The following FGGY variants were observed in gnomAD, a reference collection of about 807,000 sequenced individuals.
FGGY encodes FGGY carbohydrate kinase domain-containing protein.
FGGY carries 72 observed loss-of-function variants against 71.3 expected under a neutral mutation model. The observed-to-expected ratio is 1.01, with a 90% confidence interval of 0.84 to 1.23. The LOEUF is 1.23. FGGY is among the 50% of genes most tolerant of loss of function. The probability of loss-of-function intolerance (pLI) is 0.00; values close to 1 mark genes in which losing one functional copy is unlikely to be tolerated. For missense variants in FGGY, 668 were observed against 682.3 expected, an observed-to-expected ratio of 0.98 and a Z score of 0.23; for synonymous variants, 251 against 250.3, an observed-to-expected ratio of 1.00 and a Z score of -0.02.
chr1:59,657,658 G>C (rs1426635581), intron 11 of FGGY, among the ~76,000 whole-genome samples: 1 of 152,196 alleles, frequency 6.6e-6, no homozygotes, highest in Non-Finnish European at 1.5e-5. Context: ...GTTCCACTCA[G>C]GGGGCTATGA....
At chr1:59,360,310 TG>T (rs1399932304) in intron 4 of FGGY, among the ~76,000 whole-genome samples, 1 of 151,988 alleles carries the variant, frequency 6.6e-6, no homozygotes, top group Non-Finnish European at 1.5e-5. Flanking sequence ...GGGACTAGAG[TG>T]AAGCCTACTG....
intron 6 of FGGY, among the ~76,000 whole-genome samples, chr1:59,502,010 T>C (rs1265143592): frequency 2.0e-5 from 3 of 152,234 alleles, no homozygotes; most frequent in Non-Finnish European, 4.4e-5. Flanking sequence ...GACAACATGC[T>C]AAAACACTTA....
chr1:59,680,558 A>G (rs1247786974), intron 14 of FGGY: 1 of 151,882 alleles, frequency 6.6e-6, no homozygotes, highest in African/African-American at 2.4e-5. Context: ...TCTGGTTTCA[A>G]TCCAGTTTGC....
chr1:59,588,905 C>G (rs942262057), intron 8 of FGGY, among the ~76,000 whole-genome samples: 2 of 152,198 alleles, frequency 1.3e-5, no homozygotes, highest in African/African-American at 4.8e-5. Flanking sequence ...AACCAGCTAA[C>G]ATCAAAATGA....
chr1:59,457,322 G>A (rs913123024), intron 6 of FGGY, among the ~76,000 whole-genome samples: 2 of 152,058 alleles, frequency 1.3e-5, no homozygotes, highest in Non-Finnish European at 2.9e-5. Context: ...TATAGAATCA[G>A]AAATTGCGCT....
intron 14 of FGGY, among the ~76,000 whole-genome samples, chr1:59,702,911 T>G (rs2097721537): frequency 6.6e-6 from 1 of 152,194 alleles, no homozygotes; most frequent in Non-Finnish European, 1.5e-5. Context: ...GAAGCTGTCC[T>G]AATCTGCCAT....
rs902999563 is a variant in FGGY at position 59,503,011 on chromosome 1, A to G, written c.671-9300A>G. On this transcript the variant is annotated intron_variant, in intron 6 of 15. Transcript: ENST00000303721. ...CTTCCTTTTCTACTCATCACATTCT[A>G]TGCCTGCCCTCTCTAACCTACATGG... Among the ~76,000 whole-genome samples, 4 of 152,136 alleles carry G rather than the reference A, an allele frequency of 2.6e-5. No individual in the cohort carries two copies. The East Asian group carries it at 5.8e-4, about 22-fold the overall frequency.
At chr1:59,511,146 G>A (rs1440118770) in intron 6 of FGGY, among the ~76,000 whole-genome samples, 4 of 152,072 alleles carry the variant, frequency 2.6e-5, no homozygotes, top group African/African-American at 4.8e-5. Context: ...GTAGATAGAA[G>A]CTCTTAAAAT....
intron 8 of FGGY, among the ~76,000 whole-genome samples, chr1:59,580,334 G>A (rs897147758): frequency 1.3e-5 from 2 of 152,022 alleles, no homozygotes; most frequent in African/African-American, 4.8e-5. Context: ...TTCCTAACTT[G>A]CTTTAGCCTT....
intron 12 of FGGY, 83 bp downstream of exon 12, chr1:59,660,376 T>C: frequency 1.0e-6 from 1 of 972,410 alleles, no homozygotes; most frequent in Non-Finnish European, 1.5e-6. Context: ...ATACAGCACA[T>C]GCTTTTGTGA....
intron 6 of FGGY, among the ~76,000 whole-genome samples, chr1:59,476,625 C>A (rs2093278282): frequency 6.6e-6 from 1 of 152,226 alleles, no homozygotes; most frequent in Non-Finnish European, 1.5e-5. Flanking sequence ...GGCCCCAGGG[C>A]CCCAGATGAA....
At chr1:59,381,258 T>C (rs2059398573) in intron 5 of FGGY, among the ~76,000 whole-genome samples, 1 of 152,222 alleles carries the variant, frequency 6.6e-6, no homozygotes, top group African/African-American at 2.4e-5. Context: ...TGGCTTAGGA[T>C]TGTCTTGGCA....
At chr1:59,445,768 C>T (rs569799907) in intron 5 of FGGY, among the ~76,000 whole-genome samples, 4 of 152,258 alleles carry the variant, frequency 2.6e-5, no homozygotes, top group Admixed American at 1.3e-4. Context: ...AAGAAAAACA[C>T]GAGAAATTAA....
chr1:59,359,585 C>T (rs766928876), intron 4 of FGGY, among the ~76,000 whole-genome samples: 5 of 152,168 alleles, frequency 3.3e-5, no homozygotes, highest in Non-Finnish European at 7.3e-5. Flanking sequence ...ACCCAGGGGT[C>T]TTGGAAGTGC....
chr1:59,690,197 G>A (rs533247277), intron 14 of FGGY, among the ~76,000 whole-genome samples: 2 of 152,250 alleles, frequency 1.3e-5, no homozygotes, highest in South Asian at 4.1e-4. Flanking sequence ...AGTATGGTGG[G>A]GTGCTGGGAC....
chr1:59,704,609 A>G (rs1046863419), intron 14 of FGGY, among the ~76,000 whole-genome samples: 22 of 152,194 alleles, frequency 1.4e-4, no homozygotes, highest in African/African-American at 5.3e-4. Flanking sequence ...ATTAATACAT[A>G]TAAAGCTGCC....
chr1:59,339,456 T>C (rs1465881685), intron 2 of FGGY, among the ~76,000 whole-genome samples: 1 of 151,988 alleles, frequency 6.6e-6, no homozygotes, highest in Non-Finnish European at 1.5e-5. Context: ...TCCAATTATT[T>C]TTAATTATTA....
At chr1:59,393,017 A>G (rs2060883070) in intron 5 of FGGY, among the ~76,000 whole-genome samples, 1 of 152,188 alleles carries the variant, frequency 6.6e-6, no homozygotes, top group South Asian at 2.1e-4. Flanking sequence ...AACAATCTTC[A>G]GCTCATTCAT....
intron 2 of FGGY, among the ~76,000 whole-genome samples, chr1:59,334,147 G>A (rs2049012000): frequency 6.6e-6 from 1 of 151,966 alleles, no homozygotes; most frequent in African/African-American, 2.4e-5. Context: ...CTTTTATTTT[G>A]TTTTATTTTT....
Sources: gnomAD v4.1 joint callset for allele counts (sites outside exome capture counted in the v4.1 genomes callset) on GRCh38, gnomAD v4.1.1 for gene constraint, MANE v1.5 for transcripts, NCBI Gene and HGNC (gene_info 2026-07-23, HGNC 2026-07-21) for gene names.